The following SIK3 variants were observed in gnomAD, a reference collection of about 807,000 sequenced individuals.
The protein encoded by SIK3 is SIK family kinase 3, also known as serine/threonine-protein kinase SIK3.
In SIK3, 28 loss-of-function variants were observed where a neutral mutation model predicts 144.2. That is an observed-to-expected ratio of 0.19 (90% CI 0.14 to 0.27). The LOEUF is 0.27. Among genes scored for constraint, SIK3 ranks in the 10% least tolerant of loss-of-function variants. SIK3 has a pLI of 1.00. For missense variants in SIK3, 1,319 were observed against 1,776.0 expected (o/e 0.74, Z 4.62); for synonymous variants, 686 against 676.3 (o/e 1.01, Z -0.22).
intron 4 of SIK3, among the ~76,000 whole-genome samples, chr11:116,921,490 T>G (rs1487797985): frequency 2.6e-5 from 4 of 152,178 alleles, no homozygotes; most frequent in Non-Finnish European, 5.9e-5. Context: ...AATTCTTAGT[T>G]CTAGACTTGG....
At chr11:116,962,929 A>G (rs549742432) in intron 1 of SIK3, among the ~76,000 whole-genome samples, 4 of 151,188 alleles carry the variant, frequency 2.6e-5, no homozygotes, top group Admixed American at 6.6e-5. Context: ...TGTAAATAAT[A>G]TATGTGCCCT....
intron 1 of SIK3, among the ~76,000 whole-genome samples, chr11:116,991,107 G>A (rs1272226808): frequency 6.6e-6 from 1 of 152,188 alleles, no homozygotes; most frequent in African/African-American, 2.4e-5. Context: ...GCTGGTTAGT[G>A]GGAGACTAAG....
chr11:116,843,463 AG>A lies in SIK3; in HGVS notation c.*2179del, dbSNP rs1282751636. 1.3e-5 allele frequency: 2 copies of A among 152,244 alleles called. No individual in the cohort carries two copies. The highest frequency in any genetic ancestry group is 2.9e-5 in the Non-Finnish European group (2 of 68,046). 9.4% of individuals were successfully genotyped at this position (152,244 alleles called of 1,614,324 possible). A position where few individuals can be genotyped will look rare whatever the true frequency, so the allele number is the denominator to read the frequency against. ...TTTTTAGTTCAACATAAAATGAGAA[AG>A]AAAAAAATATTTCTGACATTTTCAA... is the stretch of plus-strand genomic sequence containing the variant. On this transcript the variant is annotated 3_prime_UTR_variant, in exon 25 of 25. Coordinates refer to ENST00000445177, the MANE Select transcript of SIK3 (RefSeq NM_001366686.3).
chr11:116,911,542 T>G (rs997378493), intron 4 of SIK3, among the ~76,000 whole-genome samples: 3 of 151,640 alleles, frequency 2.0e-5, no homozygotes, highest in African/African-American at 4.8e-5. Context: ...TGGAGCAACA[T>G]GGGAAATATA....
At chr11:117,041,177 G>T (rs532798295) in intron 1 of SIK3, among the ~76,000 whole-genome samples, 35 of 152,134 alleles carry the variant, frequency 2.3e-4, no homozygotes, top group African/African-American at 8.4e-4. Flanking sequence ...AATGAAAAAA[G>T]AAAGAATTCC....
At chr11:116,958,594 A>G (rs781341731) in intron 1 of SIK3, among the ~76,000 whole-genome samples, 1 of 151,914 alleles carries the variant, frequency 6.6e-6, no homozygotes, top group Admixed American at 6.5e-5. Flanking sequence ...AACAACAGAC[A>G]GAGGATGGTG....
chr11:117,079,408 G>A (rs1193017290), intron 1 of SIK3, among the ~76,000 whole-genome samples: 14 of 152,120 alleles, frequency 9.2e-5, no homozygotes, highest in Non-Finnish European at 2.1e-4. Flanking sequence ...GAAAAACCTA[G>A]ACTCATTTAT....
chr11:117,030,603 C>T (rs1053388334), intron 1 of SIK3, among the ~76,000 whole-genome samples: 3 of 152,136 alleles, frequency 2.0e-5, no homozygotes, highest in Admixed American at 6.6e-5. Context: ...ATTGAGATCA[C>T]ATGTGGTTTT....
chr11:117,085,219 C>A (rs191305869), intron 1 of SIK3, among the ~76,000 whole-genome samples: 9 of 152,176 alleles, frequency 5.9e-5, no homozygotes, highest in African/African-American at 2.2e-4. Flanking sequence ...TGGGCTCAAG[C>A]AATCCTCCCA....
chr11:116,891,645 G>T (rs540482685), intron 6 of SIK3, among the ~76,000 whole-genome samples: 68 of 151,604 alleles, frequency 4.5e-4, no homozygotes, highest in African/African-American at 1.6e-3. Flanking sequence ...GATATAATCA[G>T]ATTTGTGTGT....
chr11:117,076,278 C>T (rs1954533002), intron 1 of SIK3, among the ~76,000 whole-genome samples: 1 of 152,112 alleles, frequency 6.6e-6, no homozygotes, highest in Non-Finnish European at 1.5e-5. Context: ...TTTTCTGAAC[C>T]AAGGACTGAG....
At chr11:116,967,017 A>G (rs201637944) in intron 1 of SIK3, among the ~76,000 whole-genome samples, 8 of 147,510 alleles carry the variant, frequency 5.4e-5, no homozygotes, top group Non-Finnish European at 1.2e-4. Context: ...AAAAAAAAGA[A>G]AAAGAAAAAG....
intron 1 of SIK3, among the ~76,000 whole-genome samples, chr11:116,969,679 G>C (rs1159691773): frequency 6.6e-6 from 1 of 152,170 alleles, no homozygotes; most frequent in South Asian, 2.1e-4. Flanking sequence ...CAGAGTGTAG[G>C]AAGGATATAA....
intron 1 of SIK3, among the ~76,000 whole-genome samples, chr11:117,088,304 T>A (rs2134061453): frequency 6.6e-6 from 1 of 152,324 alleles, no homozygotes; most frequent in Non-Finnish European, 1.5e-5. Context: ...TTACTTTAGA[T>A]ACACTGATCT....
At chr11:116,900,556 C>A (rs1430680426) in intron 4 of SIK3, among the ~76,000 whole-genome samples, 1 of 152,220 alleles carries the variant, frequency 6.6e-6, no homozygotes, top group Admixed American at 6.5e-5. Flanking sequence ...CCTTCACAAC[C>A]CAGCTCCATC....
intron 1 of SIK3, among the ~76,000 whole-genome samples, chr11:116,986,183 G>A (rs955643676): frequency 6.6e-6 from 1 of 152,116 alleles, no homozygotes; most frequent in African/African-American, 2.4e-5. Flanking sequence ...GTAGTGTCAG[G>A]CAGACACTCC....
intron 1 of SIK3, among the ~76,000 whole-genome samples, chr11:117,073,411 C>T (rs983555050): frequency 2.6e-5 from 4 of 152,168 alleles, no homozygotes; most frequent in African/African-American, 9.7e-5. Context: ...ATGCCTAATA[C>T]CTGGTATCGT....
At chr11:116,980,904 G>A (rs1950118439) in intron 1 of SIK3, among the ~76,000 whole-genome samples, 1 of 151,728 alleles carries the variant, frequency 6.6e-6, no homozygotes, top group South Asian at 2.1e-4. Context: ...ATCATCATAA[G>A]TCTGGGGGCA....
chr11:116,959,348 T>C (rs1328306012), intron 1 of SIK3, among the ~76,000 whole-genome samples: 1 of 152,074 alleles, frequency 6.6e-6, no homozygotes, highest in Non-Finnish European at 1.5e-5. Context: ...CAAACAAGTG[T>C]GTTGGAAATG....
Sources: allele counts gnomAD v4.1 joint callset (sites outside exome capture counted in the v4.1 genomes callset), GRCh38; gene constraint gnomAD v4.1.1; transcripts MANE v1.5; gene names NCBI Gene and HGNC (gene_info 2026-07-23, HGNC 2026-07-21).